The following ZFHX3 variants were observed in gnomAD, a reference collection of about 807,000 sequenced individuals.
ZFHX3 encodes zinc finger homeobox 3.
ZFHX3 carries 42 observed loss-of-function variants against 279.1 expected under a neutral mutation model. The observed-to-expected ratio is 0.15, with a 90% CI of 0.12 to 0.19. The LOEUF is 0.19. Ranked by LOEUF, ZFHX3 falls within the 10% of genes least tolerant of loss-of-function variation. ZFHX3 has a pLI of 1.00. For missense variants in ZFHX3, 4,981 were observed against 4,754.0 expected (o/e 1.05, Z -1.40); for synonymous variants, 2,293 against 1,957.8 (o/e 1.17, Z -4.52).
At chr16:73,811,734 C>T (rs895302830) in intron 1 of ZFHX3, among the ~76,000 whole-genome samples, 2 of 152,078 alleles carry the variant, frequency 1.3e-5, no homozygotes, top group African/African-American at 2.4e-5. Context: ...CATGAGCCAC[C>T]GCGCCCGGGC....
rs548895653 is a variant in ZFHX3 at position 72,811,837 on chromosome 16, A to G, written c.3664-60T>C. ...TGTGTGCCCCAAGCCCGCCCACCCA[A>G]AAGTTTGTTCCCTACCAATGTCTAA... is the stretch of plus-strand genomic sequence containing the variant. On this transcript the variant is annotated intron_variant, in intron 6 of 9. Coordinates refer to ENST00000268489, the MANE Select transcript of ZFHX3 (RefSeq NM_006885.4). 6 of 1,595,362 alleles carry G rather than the reference A, an allele frequency of 3.8e-6. No individual in the cohort carries two copies. In the East Asian group the frequency reaches 6.7e-5, roughly 18 times the overall value.
intron 3 of ZFHX3, among the ~76,000 whole-genome samples, chr16:73,374,713 A>G (rs982359860): frequency 5.3e-5 from 8 of 152,156 alleles, no homozygotes; most frequent in African/African-American, 1.9e-4. Flanking sequence ...TGAACTTTCA[A>G]TCTCTTTTTG....
intron 1 of ZFHX3, among the ~76,000 whole-genome samples, chr16:73,036,184 C>T (rs4788694): frequency 6.6e-6 from 1 of 151,970 alleles, no homozygotes; most frequent in African/African-American, 2.4e-5. Context: ...GGGAGGGCTG[C>T]GGGAGGAAGG....
intron 3 of ZFHX3, among the ~76,000 whole-genome samples, chr16:73,326,960 T>C (rs995352793): frequency 6.6e-6 from 1 of 152,168 alleles, no homozygotes; most frequent in South Asian, 2.1e-4. Flanking sequence ...ATATTTGTGG[T>C]TCTAAAGAAT....
At chr16:73,785,495 G>A (rs897492060) in intron 1 of ZFHX3, among the ~76,000 whole-genome samples, 1 of 152,172 alleles carries the variant, frequency 6.6e-6, no homozygotes, top group Non-Finnish European at 1.5e-5. Context: ...CTGCCCTGCA[G>A]TCACTCTGAG....
chr16:73,355,960 A>T (rs1484266582), intron 3 of ZFHX3, among the ~76,000 whole-genome samples: 1 of 152,164 alleles, frequency 6.6e-6, no homozygotes, highest in Non-Finnish European at 1.5e-5. Context: ...TCCCGAGTCC[A>T]GGGTTTTTCC....
At chr16:73,379,072 T>A (rs1294124626) in intron 3 of ZFHX3, among the ~76,000 whole-genome samples, 2 of 152,200 alleles carry the variant, frequency 1.3e-5, no homozygotes, top group Admixed American at 1.3e-4. Context: ...CGAAGGAGGA[T>A]CTGTCAATGG....
intron 5 of ZFHX3, among the ~76,000 whole-genome samples, chr16:73,210,206 A>C (rs2011963427): frequency 2.0e-5 from 3 of 152,222 alleles, no homozygotes; most frequent in African/African-American, 7.2e-5. Context: ...AGAAATGTCT[A>C]AAATCGCCAA....
At chr16:72,960,789 C>A (rs1319918207) in intron 1 of ZFHX3, among the ~76,000 whole-genome samples, 1 of 152,084 alleles carries the variant, frequency 6.6e-6, no homozygotes, top group Non-Finnish European at 1.5e-5. Flanking sequence ...TCAAAGAAGG[C>A]GGGTGAGGAC....
intron 5 of ZFHX3, among the ~76,000 whole-genome samples, chr16:72,822,653 C>T (rs2036824602): frequency 6.6e-6 from 1 of 152,158 alleles, no homozygotes; most frequent in African/African-American, 2.4e-5. Context: ...ATATGCAAAT[C>T]TATAAGGTAT....
At chr16:73,783,601 T>C (rs1355783859) in intron 1 of ZFHX3, among the ~76,000 whole-genome samples, 53 of 152,224 alleles carry the variant, frequency 3.5e-4, no homozygotes, top group Non-Finnish European at 7.3e-5. Flanking sequence ...AGGAAATTGA[T>C]GATTGATTCA....
intron 3 of ZFHX3, among the ~76,000 whole-genome samples, chr16:73,429,162 T>C (rs1171102937): frequency 6.6e-6 from 1 of 152,088 alleles, no homozygotes; most frequent in African/African-American, 2.4e-5. Flanking sequence ...ACTCTCCCAA[T>C]CACCCTACTC....
At position 72,796,264 on chromosome 16, in the gene ZFHX3, G is replaced by A. The variant is rs761866353; in HGVS notation, c.6418C>T (p.Leu2140=). Residue 2140 remains leucine (L), a synonymous_variant, in exon 9 of 10, where the codon CTG becomes TTG. Coordinates refer to ENST00000268489, the MANE Select transcript of ZFHX3 (RefSeq NM_006885.4). The stretch of plus-strand genomic sequence containing the variant: ...GGCCTCTTGTTCTGCTGCTGGAGCA[G>A]GGTTGGATTGAGCTGATGCTGGTAG... ...QLYQHQLNPT[L]LQQQNKRPRT... 6.2e-6 allele frequency: 10 copies of A among 1,614,034 alleles called. No individual in the cohort carries two copies. In the South Asian group the frequency reaches 8.8e-5, roughly 14 times the overall value.
At chr16:73,424,765 A>G (rs2017781510) in intron 3 of ZFHX3, among the ~76,000 whole-genome samples, 2 of 151,298 alleles carry the variant, frequency 1.3e-5, no homozygotes, top group East Asian at 1.9e-4. Context: ...AAAAAAAAAA[A>G]AAAAAAAAAA....
chr16:73,096,716 T>A (rs966099616), intron 7 of ZFHX3, among the ~76,000 whole-genome samples: 1 of 151,950 alleles, frequency 6.6e-6, no homozygotes, highest in East Asian at 1.9e-4. Context: ...ATGCCCGGCA[T>A]TGAAGCTGAA....
chr16:73,504,814 G>A (rs1047784210), intron 2 of ZFHX3: 6 of 152,310 alleles, frequency 3.9e-5, no homozygotes, highest in African/African-American at 9.7e-5. Context: ...TGCTTGGTTG[G>A]GGGGGCGGTG....
At chr16:73,325,857 T>C (rs552981606) in intron 3 of ZFHX3, among the ~76,000 whole-genome samples, 1 of 151,286 alleles carries the variant, frequency 6.6e-6, no homozygotes, top group Non-Finnish European at 1.5e-5. Context: ...CAGAAATGCA[T>C]GTGTCCCAGA....
intron 7 of ZFHX3, among the ~76,000 whole-genome samples, chr16:72,808,575 C>G (rs2036341843): frequency 6.6e-6 from 1 of 152,222 alleles, no homozygotes. Flanking sequence ...TCCCTTGTTG[C>G]TAACAAGTTG....
At chr16:73,281,568 T>G (rs1797002180) in intron 4 of ZFHX3, among the ~76,000 whole-genome samples, 2 of 152,202 alleles carry the variant, frequency 1.3e-5, no homozygotes, top group African/African-American at 4.8e-5. Context: ...TAGCTAACAA[T>G]ACTGTATTGT....
Sources: allele counts gnomAD v4.1 joint callset (sites outside exome capture counted in the v4.1 genomes callset), GRCh38; gene constraint gnomAD v4.1.1; transcripts MANE v1.5; gene names NCBI Gene and HGNC (gene_info 2026-07-23, HGNC 2026-07-21).